The following PDZRN4 variants were observed in gnomAD, a reference collection of about 807,000 sequenced individuals.
PDZRN4 encodes the protein PDZ domain-containing RING finger protein 4.
In PDZRN4, 70 loss-of-function variants were observed where a neutral mutation model predicts 99.0. The observed-to-expected ratio is 0.71, with a 90% CI of 0.58 to 0.86. PDZRN4 has a LOEUF of 0.86. Among genes scored for constraint, PDZRN4 ranks in the 40% least tolerant of loss-of-function variants. The probability of loss-of-function intolerance (pLI) is 0.00; values close to 1 mark genes in which losing one functional copy is unlikely to be tolerated. For synonymous variants in PDZRN4, 551 were observed against 501.6 expected (o/e 1.10, Z -1.32); for missense variants, 1,474 against 1,331.2 (o/e 1.11, Z -1.67).
At chr12:41,378,539 T>TTTTTTTTTTA (rs1952098528) in intron 3 of PDZRN4, among the ~76,000 whole-genome samples, 3 of 146,588 alleles carry the variant, frequency 2.0e-5, no homozygotes, top group African/African-American at 2.6e-5. Context: ...TTTTTTTTTT[T>TTTTTTTTTTA]GAGACAGAGT....
chr12:41,413,371 G>A (rs1286031420), intron 3 of PDZRN4, among the ~76,000 whole-genome samples: 1 of 152,100 alleles, frequency 6.6e-6, no homozygotes, highest in Non-Finnish European at 1.5e-5. Flanking sequence ...GGAAGGACAG[G>A]GAGAAACAGG....
intron 3 of PDZRN4, among the ~76,000 whole-genome samples, chr12:41,331,863 C>T (rs184639808): frequency 2.3e-4 from 35 of 152,118 alleles, no homozygotes; most frequent in African/African-American, 7.7e-4. Flanking sequence ...TCCCATGACA[C>T]ATGGGGATTA....
chr12:41,259,573 T>G (rs1591988274), intron 3 of PDZRN4, among the ~76,000 whole-genome samples: 1 of 152,196 alleles, frequency 6.6e-6, no homozygotes, highest in East Asian at 1.9e-4. Flanking sequence ...CAGTACCTGC[T>G]TAGGCTCTCA....
chr12:41,351,566 CA>C (rs1274777240), intron 3 of PDZRN4, among the ~76,000 whole-genome samples: 1 of 152,020 alleles, frequency 6.6e-6, no homozygotes, highest in African/African-American at 2.4e-5. Flanking sequence ...CACATCTTCA[CA>C]TGGCCAGAAG....
chr12:41,478,042 C>T, intron 3 of PDZRN4: 1 of 643,262 alleles, frequency 1.6e-6, no homozygotes, highest in Admixed American at 2.6e-5. Context: ...ACCACTGGTT[C>T]TGTGTCCCCC....
At chr12:41,454,354 C>T (rs1390747788) in intron 3 of PDZRN4, among the ~76,000 whole-genome samples, 2 of 152,152 alleles carry the variant, frequency 1.3e-5, no homozygotes, top group Non-Finnish European at 2.9e-5. Context: ...GAGGTTCCTG[C>T]GTTTGAGTTA....
At chr12:41,207,777 A>G (rs1950861645) in intron 3 of PDZRN4, among the ~76,000 whole-genome samples, 1 of 151,884 alleles carries the variant, frequency 6.6e-6, no homozygotes, top group Admixed American at 6.6e-5. Flanking sequence ...GACATGGTCA[A>G]TTTCATCAGA....
intron 3 of PDZRN4, among the ~76,000 whole-genome samples, chr12:41,462,534 G>A (rs1952882171): frequency 6.6e-6 from 1 of 152,182 alleles, no homozygotes; most frequent in South Asian, 2.1e-4. Context: ...TCCTTCAGAA[G>A]AGTTCCTAGA....
At chr12:41,379,018 T>C (rs1025760698) in intron 3 of PDZRN4, among the ~76,000 whole-genome samples, 1 of 152,312 alleles carries the variant, frequency 6.6e-6, no homozygotes. Context: ...CTTTTCTTTC[T>C]TGGGAGGCTG....
intron 3 of PDZRN4, among the ~76,000 whole-genome samples, chr12:41,452,470 T>C (rs1841025): frequency 0.51 from 75,969 of 149,792 alleles, 19,693 homozygotes; most frequent in African/African-American, 0.63. Flanking sequence ...AGAAAAATTA[T>C]AGTAGTCAGA....
chr12:41,296,836 G>A (rs1055154361), intron 3 of PDZRN4, among the ~76,000 whole-genome samples: 3 of 152,018 alleles, frequency 2.0e-5, no homozygotes, highest in Non-Finnish European at 4.4e-5. Context: ...GCGTGTGCCT[G>A]TAGTCCTAGC....
chr12:41,323,207 G>C (rs754951104), intron 3 of PDZRN4, among the ~76,000 whole-genome samples: 2 of 152,132 alleles, frequency 1.3e-5, no homozygotes, highest in Non-Finnish European at 2.9e-5. Context: ...CAAATTGACA[G>C]GAGGACTATG....
At chr12:41,384,245 T>A (rs572495507) in intron 3 of PDZRN4, among the ~76,000 whole-genome samples, 103 of 152,158 alleles carry the variant, frequency 6.8e-4, no homozygotes, top group Non-Finnish European at 1.1e-3. Context: ...AGTTTATAAA[T>A]CTTTTTCCAT....
chr12:41,456,355 C>A (rs201874441), intron 3 of PDZRN4, among the ~76,000 whole-genome samples: 1 of 117,952 alleles, frequency 8.5e-6, no homozygotes, highest in African/African-American at 3.5e-5. Flanking sequence ...GTTGTTTATT[C>A]TTTTAGAGAT....
intron 5 of PDZRN4, among the ~76,000 whole-genome samples, chr12:41,521,435 A>G (rs1274238307): frequency 6.6e-6 from 1 of 152,148 alleles, no homozygotes; most frequent in African/African-American, 2.4e-5. Flanking sequence ...TAAGATGAAT[A>G]GAGTTCTTTA....
At chr12:41,511,958 GC>G (rs1223760363) in intron 5 of PDZRN4, among the ~76,000 whole-genome samples, 1 of 152,118 alleles carries the variant, frequency 6.6e-6, no homozygotes, top group Non-Finnish European at 1.5e-5. Context: ...TCCTCTAGGA[GC>G]TTCCTTATAA....
intron 3 of PDZRN4, among the ~76,000 whole-genome samples, chr12:41,441,820 A>G (rs1292242487): frequency 1.3e-5 from 2 of 152,086 alleles, no homozygotes; most frequent in Non-Finnish European, 2.9e-5. Flanking sequence ...GCTTTCAACA[A>G]AACTCAAAAC....
intron 4 of PDZRN4, among the ~76,000 whole-genome samples, chr12:41,506,929 T>C (rs1401511559): frequency 6.6e-6 from 1 of 152,124 alleles, no homozygotes; most frequent in Non-Finnish European, 1.5e-5. Context: ...TCCACCTGGG[T>C]AATCATACTT....
chr12:41,372,902 A>G (rs1952052612), intron 3 of PDZRN4, among the ~76,000 whole-genome samples: 1 of 152,176 alleles, frequency 6.6e-6, no homozygotes, highest in Non-Finnish European at 1.5e-5. Flanking sequence ...ATCAGGCGAA[A>G]TTCAGCCCTG....
Sources: allele counts gnomAD v4.1 joint callset (sites outside exome capture counted in the v4.1 genomes callset), GRCh38; gene constraint gnomAD v4.1.1; transcripts MANE v1.5; gene names NCBI Gene and HGNC (gene_info 2026-07-23, HGNC 2026-07-21).